AXIN2: variants seen among roughly 807,000 people sequenced by gnomAD.
The protein encoded by AXIN2 is axin 2.
Under a neutral mutation model 74.7 loss-of-function variants are expected in AXIN2, and 21 were observed. That is an observed-to-expected ratio of 0.28 (90% CI 0.20 to 0.40). AXIN2 has a LOEUF of 0.40. AXIN2 is among the 10% of genes least tolerant of loss of function. The probability of loss-of-function intolerance (pLI) is 1.00; values close to 1 mark genes in which losing one functional copy is unlikely to be tolerated. For missense variants in AXIN2, 1,144 were observed against 1,111.1 expected, an observed-to-expected ratio of 1.03 and a Z score of -0.42; for synonymous variants, 532 against 454.9, an observed-to-expected ratio of 1.17 and a Z score of -2.16.
At position 65,536,499 on chromosome 17, in the gene AXIN2, G is replaced by T. The variant is rs377642903; in HGVS notation, c.1962C>A (p.Gly654=). The part of the protein sequence containing the change: ...YPLESARSSP[G]ERASRHHLWG... ...ACAGATGGTGCCGGCTGGCTCGTTC[G>T]CCTGGAGACGAGCGGGCAGACTCCA... The change falls in exon 8 of 11, where the codon GGC becomes GGA. Residue 654 remains glycine (G), a synonymous_variant. Transcript: ENST00000307078. 492 of 1,613,856 alleles carry T rather than the reference G, an allele frequency of 3.0e-4. 5 individuals carry two copies. In the South Asian group the frequency reaches 4.7e-3, roughly 15 times the overall value.
intron 2 of AXIN2, 92 bp from the exon 3 acceptor site, chr17:65,549,752 C>T: frequency 6.7e-7 from 1 of 1,495,384 alleles, no homozygotes; most frequent in South Asian, 1.2e-5. Flanking sequence ...CACACTATCC[C>T]ACAATCTGCT....
chr17:65,545,203 C>T (rs1049629777), intron 3 of AXIN2, among the ~76,000 whole-genome samples: 1 of 152,164 alleles, frequency 6.6e-6, no homozygotes, highest in Non-Finnish European at 1.5e-5. Context: ...GGCCTCCACA[C>T]CACTGACTTA....
At chr17:65,554,375 C>A (rs1005322738) in intron 2 of AXIN2, among the ~76,000 whole-genome samples, 3 of 152,222 alleles carry the variant, frequency 2.0e-5, no homozygotes, top group African/African-American at 4.8e-5. Flanking sequence ...AGGTCACTGC[C>A]CAAAAGGCAA....
At chr17:65,535,299 G>A (rs2043889313) in intron 9 of AXIN2, among the ~76,000 whole-genome samples, 1 of 152,164 alleles carries the variant, frequency 6.6e-6, no homozygotes, top group Non-Finnish European at 1.5e-5. Flanking sequence ...TCTGCTCAGG[G>A]GTGACAAATG....
At chr17:65,539,981 A>G (rs2044016676) in intron 4 of AXIN2, among the ~76,000 whole-genome samples, 1 of 152,200 alleles carries the variant, frequency 6.6e-6, no homozygotes, top group Non-Finnish European at 1.5e-5. Context: ...TTCATCCACC[A>G]TCTCAGTCAC....
At position 65,531,282 on chromosome 17, in the gene AXIN2, G is replaced by A. The variant is rs1286367273; in HGVS notation, c.2406-1180C>T. Among the ~76,000 whole-genome samples, 5 of 152,074 alleles carry A rather than the reference G, an allele frequency of 3.3e-5. No homozygotes were observed. The East Asian group carries it at 7.7e-4, about 23-fold the overall frequency. ...AGCCAAATACTTTCGTAGGAGATAA[G>A]GCTAAATACAGTGAACAGCTGGGTT... On this transcript the variant is annotated intron_variant, in intron 10 of 10. Transcript: ENST00000307078.
intron 7 of AXIN2, 50 bp from the exon 8 acceptor site, chr17:65,536,603 G>A (rs2043923299): frequency 1.6e-5 from 25 of 1,592,940 alleles, no homozygotes; most frequent in Non-Finnish European, 2.2e-5. Context: ...AACTGGGTTA[G>A]AAGAACTGGA....
intron 9 of AXIN2, among the ~76,000 whole-genome samples, chr17:65,534,534 C>A (rs1023510840): frequency 5.3e-5 from 8 of 152,136 alleles, no homozygotes; most frequent in Non-Finnish European, 1.0e-4. Flanking sequence ...ATGCCTAAAG[C>A]CCACCCCTTA....
At chr17:65,554,679 C>T (rs9895291) in intron 2 of AXIN2, among the ~76,000 whole-genome samples, 4 of 152,204 alleles carry the variant, frequency 2.6e-5, no homozygotes, top group South Asian at 2.1e-4. Flanking sequence ...AAGCAGCACT[C>T]GGAGCCAGCA....
rs1285654850 is a variant in AXIN2, at chr17:65,530,022, G to A, written c.2486C>T (p.Pro829Leu). Residue 829 changes from proline to leucine, a missense_variant, in exon 11 of 11, where the codon CCG becomes CTG. Coordinates refer to ENST00000307078, the MANE Select transcript of AXIN2 (RefSeq NM_004655.4). ...GCCCAGAATCCGGCCTTCATACATC[G>A]GGAGCACCGTCTCATCCTCCCAGAT... ...EEIWEDETVL[P>L]MYEGRILGKV... 2 of 1,614,116 alleles carry A rather than the reference G, an allele frequency of 1.2e-6. No homozygotes were observed. Among genetic ancestry groups the A allele is most frequent in the Admixed American group, 1.7e-5 (1 of 60,010 alleles).
chr17:65,554,924 G>A (rs996006971), intron 2 of AXIN2, among the ~76,000 whole-genome samples: 1 of 152,192 alleles, frequency 6.6e-6, no homozygotes, highest in Non-Finnish European at 1.5e-5. Context: ...GCGTGTGTGT[G>A]TCTGTGTGCC....
intron 3 of AXIN2, 41 bp from the exon 4 acceptor site, chr17:65,541,598 A>T (rs979669307): frequency 6.5e-7 from 1 of 1,550,044 alleles, no homozygotes; most frequent in African/African-American, 1.4e-5. Flanking sequence ...GCTTACGAGG[A>T]TGTTTTCAGC....
chr17:65,533,684 T>A (rs1857227358), intron 10 of AXIN2, among the ~76,000 whole-genome samples: 1 of 152,240 alleles, frequency 6.6e-6, no homozygotes, highest in South Asian at 2.1e-4. Context: ...CCTGGCCAGG[T>A]CCCCCAGAGA....
At chr17:65,559,597 C>A (rs952935836) in intron 1 of AXIN2, 1 of 152,278 alleles carries the variant, frequency 6.6e-6, no homozygotes, top group African/African-American at 2.4e-5. Flanking sequence ...CAACCCACCT[C>A]CCGGATCCGC....
chr17:65,542,680 T>C (rs2044061107), intron 3 of AXIN2, among the ~76,000 whole-genome samples: 1 of 152,206 alleles, frequency 6.6e-6, no homozygotes, highest in East Asian at 1.9e-4. Context: ...CATGATTTTT[T>C]CCAGAAAGAA....
Position 65,558,709 on chromosome 17 carries a change from T to C in AXIN2, c.-89A>G, listed in dbSNP as rs558570726. ...GCGTGGTCTCTCTGTCTCTCTCAAGTCAGCAGGGGCTCATCTGAACCTCCT... is the reference window on the plus strand; with the variant it reads ...GCGTGGTCTCTCTGTCTCTCTCAAGCCAGCAGGGGCTCATCTGAACCTCCT... On this transcript the variant is annotated 5_prime_UTR_variant, in exon 2 of 11. It removes the in-frame stop codon of an upstream open reading frame in the 5' UTR. Coordinates refer to ENST00000307078, the MANE Select transcript of AXIN2 (RefSeq NM_004655.4). 1 of 1,333,106 alleles carries C rather than the reference T, an allele frequency of 7.5e-7. No individual in the cohort carries two copies. The highest frequency in any genetic ancestry group is 1.4e-5 in the African/African-American group (1 of 69,148). 82.6% of individuals were successfully genotyped at this position (1,333,106 alleles called of 1,614,324 possible). A position where few individuals can be genotyped will look rare whatever the true frequency, so the allele number is the denominator to read the frequency against.
rs774657791 is a variant in AXIN2, at chr17:65,537,827, C to T, written c.1209G>A (p.Glu403=). Residue 403 remains glutamate, a synonymous_variant, in exon 6 of 11, where the codon GAG becomes GAA. Transcript: ENST00000307078. The part of the protein sequence containing the change: ...ERLQQIREDE[E]REGSELTLNS... Reference sequence around the variant, plus strand: ...TGAGTGTGAGCTCGGAGCCCTCTCTCTCTTCATCCTGAAAGGGAAGACGTC... The same window carrying T: ...TGAGTGTGAGCTCGGAGCCCTCTCTTTCTTCATCCTGAAAGGGAAGACGTC... 3.9e-6 allele frequency: 6 copies of T among 1,557,442 alleles called. No individual in the cohort carries two copies. The highest frequency in any genetic ancestry group is 1.4e-5 in the African/African-American group (1 of 73,418).
chr17:65,545,372 G>A (rs957618425), intron 3 of AXIN2, among the ~76,000 whole-genome samples: 9 of 152,180 alleles, frequency 5.9e-5, no homozygotes, highest in Admixed American at 2.0e-4. Flanking sequence ...GGATTTTGGT[G>A]GGAGTCTGGC....
rs1650264311 is a variant in AXIN2, at chr17:65,529,439, G to A, written c.*537C>T. 1 of 257,652 alleles carries A rather than the reference G, an allele frequency of 3.9e-6. No homozygotes were observed. The highest frequency in any genetic ancestry group is 1.2e-4 in the South Asian group (1 of 8,580). The allele number at this position is 257,652 out of a possible 1,614,324, so 16.0% of individuals were successfully genotyped here. On this transcript the variant is annotated 3_prime_UTR_variant, in exon 11 of 11. Coordinates refer to ENST00000307078, the MANE Select transcript of AXIN2 (RefSeq NM_004655.4). ...TAAAACAGTCTGTCTTCACTTGGAG[G>A]GACGTAGTGCAAAGCATAATTCCTC... is the stretch of plus-strand genomic sequence containing the variant.
Sources: allele counts gnomAD v4.1 joint callset (sites outside exome capture counted in the v4.1 genomes callset), GRCh38; gene constraint gnomAD v4.1.1; transcripts MANE v1.5; gene names NCBI Gene and HGNC (gene_info 2026-07-23, HGNC 2026-07-21).